Variants in TPTE2 observed in about 807,000 individuals in gnomAD.
TPTE2 encodes the protein transmembrane phosphoinositide 3-phosphatase and tensin homolog 2.
A neutral mutation model predicts 78.6 loss-of-function variants in TPTE2; 53 were observed. That is an observed-to-expected ratio of 0.67 (90% CI 0.54 to 0.85). The LOEUF (loss-of-function observed/expected upper bound fraction) is 0.85, where lower values mean the gene tolerates loss of function less well. Ranked by LOEUF, TPTE2 falls within the 40% of genes least tolerant of loss-of-function variation. The pLI is 0.00. For missense variants in TPTE2, 461 were observed against 623.0 expected (o/e 0.74, Z 2.77); for synonymous variants, 175 against 206.2 (o/e 0.85, Z 1.30).
At chr13:19,560,278 T>C in the TPTE2 span, 43 of 980,924 alleles carry the variant, frequency 4.4e-5, 1 homozygote, top group Admixed American at 5.5e-5. Context: ...AGAGTCTGAA[T>C]TGGCAAGGGC....
chr13:19,525,034 T>C (rs1383659627), intron 1 of TPTE2, among the ~76,000 whole-genome samples: 2 of 152,192 alleles, frequency 1.3e-5, no homozygotes, highest in Non-Finnish European at 2.9e-5. Context: ...TTTTGTTTTA[T>C]GTAGCCTGTC....
chr13:19,527,344 A>G (rs2137735031), intron 1 of TPTE2, among the ~76,000 whole-genome samples: 1 of 152,314 alleles, frequency 6.6e-6, no homozygotes, highest in East Asian at 1.9e-4. Flanking sequence ...AATGACAAAT[A>G]CTCAAAGTGG....
chr13:19,466,135 A>G (rs549423253), intron 7 of TPTE2, among the ~76,000 whole-genome samples: 5 of 152,330 alleles, frequency 3.3e-5, no homozygotes, highest in African/African-American at 9.6e-5. Flanking sequence ...ACCAAAGCAG[A>G]GAACTGATGG....
In TPTE2 at chr13:19,465,544, A is replaced by G. The variant is rs753244046; in HGVS notation, c.533T>C (p.Leu178Pro). The G allele has an allele frequency of 5.0e-5, 80 of 1,600,588 alleles. No homozygotes were observed. The highest frequency in any genetic ancestry group is 6.3e-5 in the Non-Finnish European group (74 of 1,176,700). The change falls in exon 8 of 20, where the codon CTT becomes CCT. Residue 178 changes from leucine (L) to proline (P), a missense_variant. By Grantham distance (98) the Leu-to-Pro change is moderately conservative. Coordinates refer to ENST00000400230, the Ensembl canonical transcript of TPTE2. The stretch of plus-strand genomic sequence containing the variant: ...TCTTATCAGAATAATAAGTCGTAGA[A>G]GTCGAACTAAATGTGTCCATCTAAC...
chr13:19,462,175 A>G (rs1878963301), intron 10 of TPTE2, among the ~76,000 whole-genome samples: 1 of 151,538 alleles, frequency 6.6e-6, no homozygotes, highest in Non-Finnish European at 1.5e-5. Flanking sequence ...TCTCAGGTGT[A>G]TATCTGTACT....
intron 10 of TPTE2, among the ~76,000 whole-genome samples, chr13:19,451,619 TCTGCATATTACA>T (rs1329126752): frequency 3.3e-5 from 5 of 152,208 alleles, no homozygotes; most frequent in Admixed American, 3.3e-4. Flanking sequence ...TAGAGAGTGA[TCTGCATATTACA>T]GTCTATCTAA....
chr13:19,535,379 C>T lies in TPTE2; in HGVS notation c.-44+1217G>A, dbSNP rs1287978510. On this transcript the variant is annotated intron_variant, in intron 1 of 17. Coordinates refer to the TPTE2 transcript ENST00000390680. The surrounding 1 kb of genome is among the most constrained non-coding windows in gnomAD (Gnocchi z 5.1). ...TTCCAAAGCTATCTACAAAAAGGGA[C>T]AATGTCATCACTGGCTAGTGAAAAT... is the stretch of plus-strand genomic sequence containing the variant. Among the ~76,000 whole-genome samples, 1 of 151,878 alleles carries T rather than the reference C, an allele frequency of 6.6e-6. No individual in the cohort carries two copies. The highest frequency in any genetic ancestry group is 1.9e-4 in the East Asian group (1 of 5,186).
At chr13:19,525,279 A>G (rs1870427422) in intron 1 of TPTE2, among the ~76,000 whole-genome samples, 1 of 152,216 alleles carries the variant, frequency 6.6e-6, no homozygotes, top group Non-Finnish European at 1.5e-5. Context: ...GAGATGCCAC[A>G]CTACCTGACT....
At chr13:19,443,648 A>C (rs1363899491) in intron 13 of TPTE2, among the ~76,000 whole-genome samples, 2 of 151,346 alleles carry the variant, frequency 1.3e-5, no homozygotes, top group African/African-American at 4.9e-5. Flanking sequence ...AAGTGATCTG[A>C]CCCCACTGGG....
rs143973843 is a variant in TPTE2, at chr13:19,429,472, C to T, written c.1302+996G>A. The stretch of plus-strand genomic sequence containing the variant: ...AAAGCTCCTTGATAACTGAGACTGG[C>T]GAATGCATTTGAGTTGGAGTGGAAA... On this transcript the variant is annotated intron_variant, in intron 17 of 19. Transcript: ENST00000400230. 1.1e-4 allele frequency among the ~76,000 whole-genome samples: 17 copies of T among 152,252 alleles called. No homozygotes were observed. The East Asian group carries it at 2.5e-3, about 22-fold the overall frequency.
chr13:19,465,295 G>A, exon 9 of TPTE2: 7 of 1,613,830 alleles, frequency 4.3e-6, no homozygotes, highest in East Asian at 2.2e-5. Context: ...CATCCCTTGT[G>A]TATCGCCTTT....
intron 17 of TPTE2, among the ~76,000 whole-genome samples, chr13:19,426,828 C>T (rs998086397): frequency 6.6e-6 from 1 of 151,890 alleles, no homozygotes; most frequent in Admixed American, 6.6e-5. Context: ...CCTCAGCCTC[C>T]CAAGTAGCTG....
At chr13:19,559,904 C>T in the TPTE2 span, 3 of 278,248 alleles carry the variant, frequency 1.1e-5, no homozygotes, top group Non-Finnish European at 1.3e-5. Context: ...TGCCCTGGCC[C>T]TGCCAGCAGG....
chr13:19,473,327 A>C (rs903623300), intron 6 of TPTE2, among the ~76,000 whole-genome samples: 8 of 152,314 alleles, frequency 5.3e-5, no homozygotes, highest in South Asian at 2.1e-4. Flanking sequence ...GGTGGATCCA[A>C]AGGTGCTGTC....
intron 6 of TPTE2, among the ~76,000 whole-genome samples, chr13:19,473,304 G>C (rs574441913): frequency 6.6e-5 from 10 of 152,336 alleles, no homozygotes; most frequent in East Asian, 3.9e-4. Flanking sequence ...ATGGCAAGTT[G>C]TCCTAGCCTC....
At chr13:19,484,492 G>A (rs151323948) in intron 3 of TPTE2, among the ~76,000 whole-genome samples, 1 of 152,146 alleles carries the variant, frequency 6.6e-6, no homozygotes. Flanking sequence ...TTGGTCTATG[G>A]TGGAGTTTAA....
intron 13 of TPTE2, 180 bp from the exon 17 acceptor site, chr13:19,438,333 T>C: frequency 1.0e-6 from 1 of 985,356 alleles, no homozygotes; most frequent in Non-Finnish European, 1.2e-6. Context: ...GCCTCACAGG[T>C]GAAAAATACG....
intron 1 of TPTE2, among the ~76,000 whole-genome samples, chr13:19,512,907 T>C (rs1869546453): frequency 6.6e-6 from 1 of 152,152 alleles, no homozygotes; most frequent in Admixed American, 6.5e-5. Context: ...ACACCAGCAT[T>C]TCCTTTTGTA....
At chr13:19,503,991 C>G (rs552432057), upstream of TPTE2, among the ~76,000 whole-genome samples, 18 of 152,016 alleles carry the variant, frequency 1.2e-4, no homozygotes, top group Non-Finnish European at 2.1e-4. Flanking sequence ...CCACCCGCCT[C>G]GGCCTCCCAA....
Sources: gnomAD v4.1 joint callset for allele counts (sites outside exome capture counted in the v4.1 genomes callset) on GRCh38, gnomAD v4.1.1 for gene constraint, Gnocchi (gnomAD v3.1) non-coding constraint, MANE v1.5 for transcripts, NCBI Gene and HGNC (gene_info 2026-07-23, HGNC 2026-07-21) for gene names.